Variants in LRRTM3 observed in about 807,000 individuals in gnomAD.
LRRTM3 encodes leucine-rich repeat transmembrane neuronal protein 3.
In LRRTM3, 24 loss-of-function variants were observed where a neutral mutation model predicts 44.7. The observed-to-expected ratio is 0.54, with a 90% CI of 0.39 to 0.76. The LOEUF is 0.76. Among genes scored for constraint, LRRTM3 ranks in the 30% least tolerant of loss-of-function variants. The pLI, the probability that LRRTM3 is intolerant of heterozygous loss-of-function variation, is 0.00. For synonymous variants in LRRTM3, 277 were observed against 278.7 expected, an observed-to-expected ratio of 0.99 and a Z score of 0.06; for missense variants, 587 against 702.2, an observed-to-expected ratio of 0.84 and a Z score of 1.85.
At chr10:67,016,701 G>C (rs1295275172) in intron 2 of LRRTM3, among the ~76,000 whole-genome samples, 1 of 151,988 alleles carries the variant, frequency 6.6e-6, no homozygotes, top group Non-Finnish European at 1.5e-5. Flanking sequence ...TCTCTTAGTG[G>C]GTTTGATTAT....
intron 2 of LRRTM3, among the ~76,000 whole-genome samples, chr10:67,002,065 CTT>C (rs901779504): frequency 6.6e-6 from 1 of 152,168 alleles, no homozygotes; most frequent in Non-Finnish European, 1.5e-5. Flanking sequence ...GCTTTATTAA[CTT>C]TTAGGAGCTC....
intron 2 of LRRTM3, among the ~76,000 whole-genome samples, chr10:67,066,496 C>T (rs1282919530): frequency 6.7e-6 from 1 of 149,824 alleles, no homozygotes; most frequent in Non-Finnish European, 1.5e-5. Context: ...TGGCCAAGTC[C>T]CTTGCTTTTT....
chr10:66,943,390 T>A (rs1448965578), intron 2 of LRRTM3, among the ~76,000 whole-genome samples: 3 of 152,192 alleles, frequency 2.0e-5, no homozygotes, highest in Non-Finnish European at 4.4e-5. Context: ...AATTAGAAAC[T>A]GACTATACCA....
rs116935105 is a variant in LRRTM3, at chr10:67,053,899, G to C, written c.1537-43688G>C. 4.6e-3 allele frequency among the ~76,000 whole-genome samples: 707 copies of C among 152,184 alleles called. 6 individuals are homozygous for C. Among genetic ancestry groups the C allele is most frequent in the Non-Finnish European group, 6.6e-3 (448 of 67,994 alleles). ...GACTTGTGCTAGAAAGGGCTATATTGTCATGATTACCTCCCAAATGGTCAA... is the reference window on the plus strand; with the variant it reads ...GACTTGTGCTAGAAAGGGCTATATTCTCATGATTACCTCCCAAATGGTCAA... On this transcript the variant is annotated intron_variant, in intron 2 of 2. Coordinates refer to ENST00000361320, the MANE Select transcript of LRRTM3 (RefSeq NM_178011.5).
intron 2 of LRRTM3, among the ~76,000 whole-genome samples, chr10:67,005,687 T>TTTTTTTTTTTTTGTTTG (rs1851936209): frequency 2.0e-5 from 2 of 102,258 alleles, no homozygotes; most frequent in African/African-American, 6.2e-5. Flanking sequence ...TCCATCTTTT[T>TTTTTTTTTTTTTGTTTG]TTTTTTTTTT....
intron 1 of LRRTM3, 51 bp from the exon 2 acceptor site, chr10:66,926,870 G>T: frequency 1.3e-6 from 2 of 1,483,312 alleles, no homozygotes. Flanking sequence ...CTTGATTAAG[G>T]ATTAATTCTT....
chr10:66,968,630 T>G (rs1440343310), intron 2 of LRRTM3, among the ~76,000 whole-genome samples: 1 of 152,060 alleles, frequency 6.6e-6, no homozygotes, highest in Non-Finnish European at 1.5e-5. Flanking sequence ...TCAATACATA[T>G]TCATTAAAAG....
intron 2 of LRRTM3, among the ~76,000 whole-genome samples, chr10:66,962,916 TG>T (rs1849198718): frequency 6.6e-6 from 1 of 152,176 alleles, no homozygotes; most frequent in Admixed American, 6.5e-5. Context: ...TTGCCTGGTA[TG>T]TTCACAGATC....
At chr10:67,046,245 C>A (rs1048209418) in intron 2 of LRRTM3, among the ~76,000 whole-genome samples, 3 of 152,138 alleles carry the variant, frequency 2.0e-5, no homozygotes, top group African/African-American at 7.2e-5. Flanking sequence ...CTATCATCTG[C>A]CCTATTTTCT....
intron 2 of LRRTM3, among the ~76,000 whole-genome samples, chr10:67,082,836 G>C (rs1857118113): frequency 6.6e-6 from 1 of 152,176 alleles, no homozygotes; most frequent in Non-Finnish European, 1.5e-5. Context: ...TCTAAACTGG[G>C]TAGTCTGGGG....
At chr10:66,998,526 C>T (rs1228647845) in intron 2 of LRRTM3, among the ~76,000 whole-genome samples, 1 of 151,650 alleles carries the variant, frequency 6.6e-6, no homozygotes, top group Non-Finnish European at 1.5e-5. Context: ...TACAATGACA[C>T]AGAAAAGTTG....
intron 2 of LRRTM3, among the ~76,000 whole-genome samples, chr10:66,981,553 A>G (rs184100351): frequency 6.6e-6 from 1 of 152,258 alleles, no homozygotes; most frequent in East Asian, 1.9e-4. Flanking sequence ...GCCAACTTCC[A>G]TAGCACATTT....
intron 2 of LRRTM3, among the ~76,000 whole-genome samples, chr10:66,987,393 T>C (rs1368670579): frequency 3.3e-5 from 5 of 152,098 alleles, no homozygotes; most frequent in Non-Finnish European, 7.4e-5. Flanking sequence ...AGAGGTGAAA[T>C]GATTTCTTGA....
At chr10:67,079,677 A>G (rs1251347967) in intron 2 of LRRTM3, among the ~76,000 whole-genome samples, 3 of 151,944 alleles carry the variant, frequency 2.0e-5, no homozygotes, top group Admixed American at 6.6e-5. Context: ...GTGAAACCCC[A>G]TCTCTACTAA....
At position 66,927,973 on chromosome 10, in the gene LRRTM3, G is replaced by T; in HGVS notation, c.1057G>T (p.Asp353Tyr). ...PKELQGVNVIDAVKNYSICGK... is the reference protein window; with the variant it reads ...PKELQGVNVIYAVKNYSICGK... Reference sequence around the variant, plus strand: ...AGAGCTGCAAGGAGTAAATGTGATCGATGCAGTGAAGAACTACAGCATCTG... The same window carrying T: ...AGAGCTGCAAGGAGTAAATGTGATCTATGCAGTGAAGAACTACAGCATCTG... Residue 353 changes from aspartate to tyrosine, a missense_variant, in exon 2 of 3, where the codon GAT becomes TAT. By Grantham distance (160) the Asp-to-Tyr change is radical. Transcript: ENST00000361320. This position sits in a 1 kb window ranked among gnomAD's most constrained non-coding sequence, Gnocchi z 4.7. 3 of 1,614,188 alleles carry T rather than the reference G, an allele frequency of 1.9e-6. No individual in the cohort carries two copies. The highest frequency in any genetic ancestry group is 2.5e-6 in the Non-Finnish European group (3 of 1,180,034).
chr10:67,018,912 G>C (rs1446612049), intron 2 of LRRTM3, among the ~76,000 whole-genome samples: 1 of 152,126 alleles, frequency 6.6e-6, no homozygotes, highest in Non-Finnish European at 1.5e-5. Flanking sequence ...AGCTAATCTG[G>C]CAAGTGGGTT....
At chr10:67,097,553 T>C in intron 2 of LRRTM3, 34 bp from the exon 3 acceptor site, 1 of 1,586,706 alleles carries the variant, frequency 6.3e-7, no homozygotes, top group Non-Finnish European at 8.6e-7. Context: ...TCCATATTTT[T>C]ATAACTGACT....
At chr10:66,964,005 C>G (rs545823701) in intron 2 of LRRTM3, among the ~76,000 whole-genome samples, 1 of 151,784 alleles carries the variant, frequency 6.6e-6, no homozygotes, top group South Asian at 2.1e-4. Flanking sequence ...CACCACCATG[C>G]CCAGCTAATT....
At chr10:67,075,686 C>G (rs1038268910) in intron 2 of LRRTM3, among the ~76,000 whole-genome samples, 2 of 152,182 alleles carry the variant, frequency 1.3e-5, no homozygotes, top group Non-Finnish European at 2.9e-5. Flanking sequence ...TAAGTGCCCA[C>G]TACTATTAAT....
Sources: allele counts gnomAD v4.1 joint callset (sites outside exome capture counted in the v4.1 genomes callset), GRCh38; gene constraint gnomAD v4.1.1; non-coding constraint Gnocchi (gnomAD v3.1); transcripts MANE v1.5; gene names NCBI Gene and HGNC (gene_info 2026-07-23, HGNC 2026-07-21).